The following KDM2B variants were observed in gnomAD, a reference collection of about 807,000 sequenced individuals.
KDM2B encodes lysine demethylase 2B.
Under a neutral mutation model 150.0 loss-of-function variants are expected in KDM2B, and 26 were observed. The ratio of observed to expected loss-of-function variants is 0.17; its 90% CI spans 0.13 to 0.24. The LOEUF is 0.24. KDM2B is among the 10% of genes least tolerant of loss of function. The pLI, the probability that KDM2B is intolerant of heterozygous loss-of-function variation, is 1.00. For synonymous variants in KDM2B, 734 were observed against 729.5 expected, an observed-to-expected ratio of 1.01 and a Z score of -0.10; for missense variants, 1,265 against 1,816.9, an observed-to-expected ratio of 0.70 and a Z score of 5.52.
At chr12:121,435,844 CACAGAG>C (rs1873891771) in intron 22 of KDM2B, among the ~76,000 whole-genome samples, 2 of 152,160 alleles carry the variant, frequency 1.3e-5, no homozygotes, top group Non-Finnish European at 2.9e-5. Context: ...AGAAACGACA[CACAGAG>C]ACCACCCTGT....
At position 121,442,950 on chromosome 12, in the gene KDM2B, A is replaced by C; in HGVS notation, c.2604+42T>G. 2 of 1,610,090 alleles carry C rather than the reference A, an allele frequency of 1.2e-6. No homozygotes were observed. Among genetic ancestry groups the C allele is most frequent in the Non-Finnish European group, 1.7e-6 (2 of 1,177,878 alleles). ...CCCAGGGAGCTGCGGTGCAGCTCTA[A>C]CCGCTCAGGCCTGGGGCACAGGAGG... is the stretch of plus-strand genomic sequence containing the variant. On this transcript the variant is annotated intron_variant, in intron 18 of 22. Coordinates refer to ENST00000377071, the MANE Select transcript of KDM2B (RefSeq NM_032590.5). The surrounding 1 kb of genome is among the most constrained non-coding windows in gnomAD (Gnocchi z 7.7).
intron 11 of KDM2B, among the ~76,000 whole-genome samples, chr12:121,509,068 T>C (rs913390497): frequency 7.9e-5 from 12 of 152,010 alleles, no homozygotes; most frequent in Admixed American, 2.6e-4. Flanking sequence ...ACAGCTCTTT[T>C]GTTTTTTTGA....
intron 12 of KDM2B, among the ~76,000 whole-genome samples, chr12:121,483,064 G>A (rs1882331647): frequency 6.6e-6 from 1 of 152,048 alleles, no homozygotes; most frequent in Non-Finnish European, 1.5e-5. Context: ...TCGGGAGGCT[G>A]AGGCAGGAGA....
intron 4 of KDM2B, among the ~76,000 whole-genome samples, chr12:121,559,440 G>A (rs1890168051): frequency 6.6e-6 from 1 of 152,154 alleles, no homozygotes; most frequent in Non-Finnish European, 1.5e-5. Context: ...AAACAGAAAT[G>A]GACAGGTCAC....
intron 11 of KDM2B, among the ~76,000 whole-genome samples, chr12:121,506,000 G>A (rs1473189309): frequency 1.3e-5 from 2 of 151,068 alleles, no homozygotes; most frequent in East Asian, 1.9e-4. Context: ...GTTCAAAATC[G>A]TTTTTTTGTT....
At chr12:121,553,964 C>T (rs1358227663) in intron 4 of KDM2B, among the ~76,000 whole-genome samples, 1 of 149,374 alleles carries the variant, frequency 6.7e-6, no homozygotes, top group Non-Finnish European at 1.5e-5. Context: ...GTTTGGGAGA[C>T]AGAGCTGGAA....
chr12:121,534,393 G>C lies in KDM2B; in HGVS notation c.777+104C>G. On this transcript the variant is annotated intron_variant, in intron 7 of 22. Coordinates refer to ENST00000377071, the MANE Select transcript of KDM2B (RefSeq NM_032590.5). ...AATCCTTAAAGTACTCCTGGGGCAGGGCTGGTTGGAGGAGGGAGGTGGGAG... is the reference window on the plus strand; with the variant it reads ...AATCCTTAAAGTACTCCTGGGGCAGCGCTGGTTGGAGGAGGGAGGTGGGAG... 4 of 808,358 alleles carry C rather than the reference G, an allele frequency of 4.9e-6. No individual in the cohort carries two copies. The Admixed American group carries it at 5.7e-5, about 11-fold the overall frequency. The allele number at this position is 808,358 out of a possible 1,614,324, so 50.1% of individuals were successfully genotyped here.
intron 22 of KDM2B, among the ~76,000 whole-genome samples, chr12:121,436,580 A>G (rs1310054817): frequency 6.6e-6 from 1 of 152,206 alleles, no homozygotes; most frequent in African/African-American, 2.4e-5. Context: ...AATACAGCAA[A>G]AAGACATTGA....
chr12:121,429,735 A>C lies in KDM2B; in HGVS notation c.*553T>G, dbSNP rs1872723776. On this transcript the variant is annotated 3_prime_UTR_variant, in exon 23 of 23. Coordinates refer to ENST00000377071, the MANE Select transcript of KDM2B (RefSeq NM_032590.5). ...TCTCCTACCTTAAGGAAATCAGGAA[A>C]ATTGGCAATCTCAAAACAATAAAAA... 3 of 453,778 alleles carry C rather than the reference A, an allele frequency of 6.6e-6. No homozygotes were observed. The highest frequency in any genetic ancestry group is 3.9e-5 in the Admixed American group (1 of 25,514). The allele number at this position is 453,778 out of a possible 1,614,324, so 28.1% of individuals were successfully genotyped here. A position where few individuals can be genotyped will look rare whatever the true frequency, so the allele number is the denominator to read the frequency against.
chr12:121,443,141 G>T, intron 17 of KDM2B, 111 bp from the exon 18 acceptor site: 2 of 1,049,258 alleles, frequency 1.9e-6, no homozygotes, highest in Non-Finnish European at 2.8e-6. Flanking sequence ...GGGGCTGGAG[G>T]GAGGCCTTCC....
chr12:121,446,138 GT>G (rs1876141731), intron 13 of KDM2B, among the ~76,000 whole-genome samples: 1 of 152,226 alleles, frequency 6.6e-6, no homozygotes, highest in Non-Finnish European at 1.5e-5. Flanking sequence ...GCTCACGCCT[GT>G]AATCCCAGCA....
At chr12:121,508,020 T>TA (rs538899612) in intron 11 of KDM2B, among the ~76,000 whole-genome samples, 26 of 152,134 alleles carry the variant, frequency 1.7e-4, no homozygotes, top group Admixed American at 3.3e-4. Context: ...GTCTCAACGG[T>TA]AAAAAAATAA....
At chr12:121,547,645 C>CTTTT (rs55686141) in intron 6 of KDM2B, among the ~76,000 whole-genome samples, 3 of 80,264 alleles carry the variant, frequency 3.7e-5, no homozygotes, top group African/African-American at 8.4e-5. Flanking sequence ...CTTCCCCTTC[C>CTTTT]TTTTTTTTTT....
At position 121,453,401 on chromosome 12, in the gene KDM2B, C is replaced by A; in HGVS notation, c.1735-57G>T. ...GGGAGACTGCAGGCACGGCCAGACC[C>A]CCGGAAAGGGTGTTAGGGAGCAAAC... On this transcript the variant is annotated intron_variant, in intron 12 of 22. Transcript: ENST00000377071. This position sits in a 1 kb window ranked among gnomAD's most constrained non-coding sequence, Gnocchi z 6.4. 2 of 1,403,416 alleles carry A rather than the reference C, an allele frequency of 1.4e-6. No homozygotes were observed. The highest frequency in any genetic ancestry group is 2.7e-5 in the South Asian group (2 of 73,722). The allele number at this position is 1,403,416 out of a possible 1,614,324, so 86.9% of individuals were successfully genotyped here.
Position 121,453,111 on chromosome 12 carries a change from C to T in KDM2B, c.1959+9G>A, listed in dbSNP as rs1877613666. 4 of 1,601,432 alleles carry T rather than the reference C, an allele frequency of 2.5e-6. No homozygotes were observed. ...ATCGAGCGCAGGGCTGGGCGGGGGC[C>T]GCACTCACCGCGATGCACTGCCGCA... On this transcript the variant is annotated intron_variant, in intron 13 of 22. Transcript: ENST00000377071. This position sits in a 1 kb window ranked among gnomAD's most constrained non-coding sequence, Gnocchi z 6.4.
intron 19 of KDM2B, among the ~76,000 whole-genome samples, chr12:121,441,743 A>G (rs1875105191): frequency 6.6e-6 from 1 of 152,194 alleles, no homozygotes; most frequent in Admixed American, 6.5e-5. Context: ...AGTATTTACC[A>G]TGGGCTTTAC....
intron 4 of KDM2B, among the ~76,000 whole-genome samples, chr12:121,564,327 G>A (rs782525419): frequency 1.2e-4 from 18 of 151,674 alleles, no homozygotes; most frequent in African/African-American, 3.1e-4. Context: ...GCGTGGTGGC[G>A]GGCACCTGAA....
rs28410395 is a variant in KDM2B, at chr12:121,520,824, C to T, written c.1047+161G>A. On this transcript the variant is annotated intron_variant, in intron 9 of 22. Transcript: ENST00000377071. This position sits in a 1 kb window ranked among gnomAD's most constrained non-coding sequence, Gnocchi z 4.5. ...GCTCCTACAGGCATTCCCCTGCCCCCCCTCCCCCGCCACAGAACCAGGACT... is the reference window on the plus strand; with the variant it reads ...GCTCCTACAGGCATTCCCCTGCCCCTCCTCCCCCGCCACAGAACCAGGACT... 0.023 allele frequency among the ~76,000 whole-genome samples: 3,505 copies of T among 152,002 alleles called. 142 individuals are homozygous for T. The highest frequency in any genetic ancestry group is 0.079 in the African/African-American group (3,278 of 41,452).
Position 121,429,865 on chromosome 12 carries a change from T to C in KDM2B, c.*423A>G. 3.5e-6 allele frequency: 2 copies of C among 569,586 alleles called. No homozygotes were observed. The highest frequency in any genetic ancestry group is 2.8e-5 in the East Asian group (1 of 35,842). 35.3% of individuals were successfully genotyped at this position (569,586 alleles called of 1,614,324 possible). A position where few individuals can be genotyped will look rare whatever the true frequency, so the allele number is the denominator to read the frequency against. ...ACAAAACCAACCAAACAAAAAAAAG[T>C]GTCAAGACGGCAGCAGATGTGGTGT... On this transcript the variant is annotated 3_prime_UTR_variant, in exon 23 of 23. Transcript: ENST00000377071.
Sources: allele counts gnomAD v4.1 joint callset (sites outside exome capture counted in the v4.1 genomes callset), GRCh38; gene constraint gnomAD v4.1.1; non-coding constraint Gnocchi (gnomAD v3.1); transcripts MANE v1.5; gene names NCBI Gene and HGNC (gene_info 2026-07-23, HGNC 2026-07-21).